PTCHD1: variants seen among roughly 807,000 people sequenced by gnomAD.
PTCHD1 encodes the protein patched domain-containing protein 1.
In PTCHD1, 3 loss-of-function variants were observed where a neutral mutation model predicts 34.6. That is an observed-to-expected ratio of 0.09 (90% CI 0.04 to 0.22). PTCHD1 has a LOEUF of 0.22. Ranked by LOEUF, PTCHD1 falls within the 10% of genes least tolerant of loss-of-function variation. The pLI is 1.00. For synonymous variants in PTCHD1, 305 were observed against 283.1 expected (o/e 1.08, Z -0.77); for missense variants, 504 against 685.5 (o/e 0.74, Z 2.96).
chrX:23,363,497 C>T (rs1922048126), intron 1 of PTCHD1, among the ~76,000 whole-genome samples: 1 of 113,020 alleles, frequency 8.8e-6, no homozygotes. Flanking sequence ...CCATTTGCTA[C>T]GACTGTTGGA....
At chrX:23,365,005 T>G (rs1922100792) in intron 1 of PTCHD1, among the ~76,000 whole-genome samples, 1 of 111,925 alleles carries the variant, frequency 8.9e-6, no homozygotes, top group Admixed American at 9.5e-5. Flanking sequence ...TCTTGAAGAG[T>G]TACGGTACAT....
At chrX:23,358,815 A>G (rs1466858665) in intron 1 of PTCHD1, among the ~76,000 whole-genome samples, 2 of 110,271 alleles carry the variant, frequency 1.8e-5, no homozygotes, top group South Asian at 3.9e-4. Flanking sequence ...AACTTGAATT[A>G]ATTTTTGTAT....
In PTCHD1 at chrX:23,399,750, C is replaced by A. The variant is rs1406357135; in HGVS notation, c.*5565C>A. The A allele has an allele frequency of 4.5e-5, 5 of 112,151 alleles. No individual in the cohort carries two copies. In the East Asian group the frequency reaches 1.4e-3, roughly 31 times the overall value. The allele number at this position is 112,151 out of a possible 1,213,427, so 9.2% of individuals were successfully genotyped here. ...TTCTAGCAGCAGCTAAATATGCCCT[C>A]CACAGCAGGACCAGGAAAGGAGCCC... On this transcript the variant is annotated 3_prime_UTR_variant, in exon 3 of 3. Transcript: ENST00000379361.
At chrX:23,360,567 C>G (rs1290967144) in intron 1 of PTCHD1, among the ~76,000 whole-genome samples, 3 of 111,097 alleles carry the variant, frequency 2.7e-5, no homozygotes, top group Non-Finnish European at 5.7e-5. Context: ...TGCTAGTGGT[C>G]TATCTATTTT....
intron 1 of PTCHD1, among the ~76,000 whole-genome samples, chrX:23,356,899 T>G (rs1422060285): frequency 1.1e-4 from 12 of 111,911 alleles, no homozygotes; most frequent in Non-Finnish European, 1.9e-5. Flanking sequence ...GCTGAACACC[T>G]GTGATAGGCT....
In PTCHD1 at chrX:23,342,310, ATTTTT is replaced by A. The variant is rs1174366015; in HGVS notation, c.351+7102_351+7106del. Among the ~76,000 whole-genome samples, 122 of 12,780 alleles carry A rather than the reference ATTTTT, an allele frequency of 9.5e-3. 1 individual carries two copies. Among genetic ancestry groups the A allele is most frequent in the Non-Finnish European group, 0.012 (105 of 9,115 alleles). 11.1% of individuals were successfully genotyped at this position (12,780 alleles called of 115,157 possible). On this transcript the variant is annotated intron_variant, in intron 1 of 2. Coordinates refer to ENST00000379361, the MANE Select transcript of PTCHD1 (RefSeq NM_173495.3). Reference sequence around the variant, plus strand: ...TATATATATATATATATATATATATATTTTTTTTTTTTTTTTTTTTTTAAAAGAAT... The same window carrying A: ...TATATATATATATATATATATATATATTTTTTTTTTTTTTTTTAAAAGAAT...
chrX:23,379,861 G>A lies in PTCHD1; in HGVS notation c.622G>A (p.Ala208Thr). The change falls in exon 2 of 3, where the codon GCC (alanine) becomes ACC (threonine). Residue 208 changes from alanine to threonine, a missense_variant. By Grantham distance (58) the Ala-to-Thr change is moderately conservative. Transcript: ENST00000379361. ...CAAAGACCGGGTGAAATCTGCAGAG[G>A]CCATCCAGCTCACCTACTACCTGCA... The part of the protein sequence containing the change: ...HSKDRVKSAE[A>T]IQLTYYLQSI... 8.3e-7 allele frequency: 1 copy of A among 1,211,749 alleles called. No homozygotes were observed.
At chrX:23,359,630 T>G (rs1450178439) in intron 1 of PTCHD1, among the ~76,000 whole-genome samples, 1 of 112,152 alleles carries the variant, frequency 8.9e-6, no homozygotes, top group East Asian at 2.8e-4. Flanking sequence ...CCTAATTGAA[T>G]ACCCTTTATT....
intron 1 of PTCHD1, among the ~76,000 whole-genome samples, chrX:23,364,371 G>GACACACACACACAC (rs200572986): frequency 2.2e-5 from 2 of 91,989 alleles, no homozygotes; most frequent in African/African-American, 8.2e-5. Flanking sequence ...GAAGAGTGTA[G>GACACACACACACAC]ACACACACAC....
At chrX:23,383,832 A>T (rs1922622110) in intron 2 of PTCHD1, among the ~76,000 whole-genome samples, 1 of 112,290 alleles carries the variant, frequency 8.9e-6, no homozygotes, top group African/African-American at 3.2e-5. Flanking sequence ...CTTATCGTGC[A>T]TAAAATAATA....
chrX:23,348,738 C>T (rs945069392), intron 1 of PTCHD1, among the ~76,000 whole-genome samples: 2 of 111,530 alleles, frequency 1.8e-5, no homozygotes, highest in South Asian at 3.8e-4. Context: ...CTTTCTCAGA[C>T]AGAAACTGAA....
At chrX:23,373,883 C>T (rs1327141399) in intron 1 of PTCHD1, among the ~76,000 whole-genome samples, 1 of 112,221 alleles carries the variant, frequency 8.9e-6, no homozygotes, top group Non-Finnish European at 1.9e-5. Flanking sequence ...CCAGATATTC[C>T]TTGAAAGCAT....
intron 2 of PTCHD1, among the ~76,000 whole-genome samples, chrX:23,391,458 A>AT (rs1922826004): frequency 9.0e-6 from 1 of 110,624 alleles, no homozygotes; most frequent in Admixed American, 9.6e-5. Context: ...TATTTATCTT[A>AT]TTTTTTCTGT....
intron 2 of PTCHD1, among the ~76,000 whole-genome samples, chrX:23,389,583 C>A (rs896759469): frequency 1.8e-5 from 2 of 111,926 alleles, no homozygotes; most frequent in Non-Finnish European, 3.8e-5. Flanking sequence ...TCTGACCTAT[C>A]AGGAATGGTG....
chrX:23,361,052 G>C (rs1921967981), intron 1 of PTCHD1, among the ~76,000 whole-genome samples: 1 of 112,006 alleles, frequency 8.9e-6, no homozygotes, highest in South Asian at 3.7e-4. Context: ...ATTTGCTGAG[G>C]AGTGCTTTAC....
At chrX:23,378,392 C>T (rs1922466009) in intron 1 of PTCHD1, among the ~76,000 whole-genome samples, 1 of 112,086 alleles carries the variant, frequency 8.9e-6, no homozygotes, top group Non-Finnish European at 1.9e-5. Context: ...TCCCTTACTC[C>T]CACCACACCC....
rs1220099906 is a variant in PTCHD1, at chrX:23,403,542, C to A, written c.*9357C>A. ...CAATTTCCCACAAAGAGCTGTAATACTTTGCAGCAAGGGGCATTAATAAAC... is the reference window on the plus strand; with the variant it reads ...CAATTTCCCACAAAGAGCTGTAATAATTTGCAGCAAGGGGCATTAATAAAC... On this transcript the variant is annotated 3_prime_UTR_variant, in exon 3 of 3. Transcript: ENST00000379361. The A allele has an allele frequency of 8.9e-6, 1 of 111,891 alleles. No individual in the cohort carries two copies. Among genetic ancestry groups the A allele is most frequent in the Non-Finnish European group, 1.9e-5 (1 of 53,187 alleles). The allele number at this position is 111,891 out of a possible 1,213,427, so 9.2% of individuals were successfully genotyped here.
At chrX:23,342,299 TATATATATA>T (rs1284648506) in intron 1 of PTCHD1, among the ~76,000 whole-genome samples, 3 of 8,783 alleles carry the variant, frequency 3.4e-4, no homozygotes, top group South Asian at 0.01. Flanking sequence ...TATATATATA[TATATATATA>T]TATTTTTTTT....
At chrX:23,363,735 C>T (rs935497973) in intron 1 of PTCHD1, among the ~76,000 whole-genome samples, 13 of 112,594 alleles carry the variant, frequency 1.2e-4, no homozygotes, top group African/African-American at 3.5e-4. Context: ...TCTTCTACGT[C>T]GATCACGCTG....
Sources: allele counts gnomAD v4.1 joint callset (sites outside exome capture counted in the v4.1 genomes callset), GRCh38; gene constraint gnomAD v4.1.1; transcripts MANE v1.5; gene names NCBI Gene and HGNC (gene_info 2026-07-23, HGNC 2026-07-21).